The following DCC variants were observed in gnomAD, a reference collection of about 807,000 sequenced individuals.
DCC encodes the protein netrin receptor DCC.
DCC carries 58 observed loss-of-function variants against 172.5 expected under a neutral mutation model. That is an observed-to-expected ratio of 0.34 (90% CI 0.27 to 0.42). DCC has a LOEUF of 0.42. Among genes scored for constraint, DCC ranks in the 10% least tolerant of loss-of-function variants. The pLI is 1.00. For synonymous variants in DCC, 709 were observed against 644.5 expected (o/e 1.10, Z -1.52); for missense variants, 1,740 against 1,791.0 (o/e 0.97, Z 0.51).
chr18:52,589,751 A>C (rs2033756696), intron 1 of DCC, among the ~76,000 whole-genome samples: 1 of 152,226 alleles, frequency 6.6e-6, no homozygotes, highest in African/African-American at 2.4e-5. Flanking sequence ...ACTAATTAAT[A>C]GCTGTCTTAG....
At chr18:52,707,504 G>A (rs529806516) in intron 1 of DCC, among the ~76,000 whole-genome samples, 1 of 152,274 alleles carries the variant, frequency 6.6e-6, no homozygotes, top group South Asian at 2.1e-4. Context: ...TCACTACTGT[G>A]TATGTATCTT....
At chr18:52,924,443 C>A (rs893850089) in intron 4 of DCC, among the ~76,000 whole-genome samples, 31 of 152,118 alleles carry the variant, frequency 2.0e-4, no homozygotes, top group African/African-American at 7.2e-4. Flanking sequence ...CTATATCGCT[C>A]ATATTCCCAG....
intron 1 of DCC, among the ~76,000 whole-genome samples, chr18:52,540,468 G>T (rs568121746): frequency 6.6e-6 from 1 of 151,858 alleles, no homozygotes; most frequent in South Asian, 2.1e-4. Flanking sequence ...CCTTTTTATT[G>T]ACATTGCTTT....
chr18:52,549,939 C>A (rs2032720740), intron 1 of DCC, among the ~76,000 whole-genome samples: 1 of 151,826 alleles, frequency 6.6e-6, no homozygotes, highest in East Asian at 1.9e-4. Context: ...CATGACTCTG[C>A]ACTTCCTCAG....
At chr18:53,329,855 G>T (rs1488362484) in intron 14 of DCC, among the ~76,000 whole-genome samples, 1 of 152,110 alleles carries the variant, frequency 6.6e-6, no homozygotes, top group African/African-American at 2.4e-5. Context: ...GTACTATCTG[G>T]CATTGGAATG....
intron 1 of DCC, among the ~76,000 whole-genome samples, chr18:52,420,563 A>G (rs1258628294): frequency 1.3e-5 from 2 of 151,948 alleles, no homozygotes; most frequent in African/African-American, 4.8e-5. Context: ...AGAAGCTCTC[A>G]TTTAGGTCAT....
chr18:53,402,655 C>T (rs1909384070), intron 18 of DCC, 131 bp from the exon 19 acceptor site: 7 of 763,916 alleles, frequency 9.2e-6, no homozygotes, highest in Admixed American at 1.9e-5. Context: ...TTGAAATAAA[C>T]TGTAAATGGC....
chr18:52,833,963 G>A (rs1277633328), intron 2 of DCC, among the ~76,000 whole-genome samples: 2 of 147,252 alleles, frequency 1.4e-5, no homozygotes, highest in African/African-American at 5.2e-5. Flanking sequence ...TTACCTCCTA[G>A]TAGAAATAAG....
chr18:53,396,162 A>C (rs1908928423), intron 17 of DCC, among the ~76,000 whole-genome samples: 2 of 152,268 alleles, frequency 1.3e-5, no homozygotes, highest in South Asian at 4.1e-4. Flanking sequence ...TACGTATGAT[A>C]TGAGTGGGGG....
intron 1 of DCC, among the ~76,000 whole-genome samples, chr18:52,606,311 T>TA (rs1265214243): frequency 3.3e-5 from 5 of 151,862 alleles, no homozygotes; most frequent in South Asian, 2.1e-4. Flanking sequence ...TCTAGTCTAT[T>TA]AAAAAAAACA....
intron 2 of DCC, among the ~76,000 whole-genome samples, chr18:52,761,918 A>G (rs2037167077): frequency 7.1e-6 from 1 of 140,606 alleles, no homozygotes; most frequent in African/African-American, 2.7e-5. Context: ...CAAAAAAAAA[A>G]AAAAAAAGAA....
chr18:52,350,209 G>A (rs979172938), intron 1 of DCC, among the ~76,000 whole-genome samples: 8 of 152,222 alleles, frequency 5.3e-5, no homozygotes, highest in Admixed American at 5.2e-4. Context: ...TTCCTCCAGT[G>A]AAGGTGACAG....
At chr18:53,430,343 C>T (rs1012483372) in intron 21 of DCC, among the ~76,000 whole-genome samples, 1 of 152,124 alleles carries the variant, frequency 6.6e-6, no homozygotes, top group Non-Finnish European at 1.5e-5. Flanking sequence ...ATGACCCTCT[C>T]TTATGCCCAT....
At chr18:52,357,168 A>G (rs1341100662) in intron 1 of DCC, among the ~76,000 whole-genome samples, 1 of 152,194 alleles carries the variant, frequency 6.6e-6, no homozygotes, top group Non-Finnish European at 1.5e-5. Flanking sequence ...CCAAAAATTC[A>G]TGTACTAAAA....
At chr18:52,856,545 G>T (rs2039056867) in intron 2 of DCC, among the ~76,000 whole-genome samples, 1 of 147,442 alleles carries the variant, frequency 6.8e-6, no homozygotes, top group South Asian at 2.2e-4. Context: ...AGGATGGCGT[G>T]AACCCGGGAG....
intron 12 of DCC, among the ~76,000 whole-genome samples, chr18:53,259,559 A>T (rs1213238894): frequency 6.6e-6 from 1 of 152,156 alleles, no homozygotes; most frequent in Non-Finnish European, 1.5e-5. Flanking sequence ...TCTGGCTTGT[A>T]GAGTTTCTGC....
At chr18:52,696,151 T>C (rs1228466843) in intron 1 of DCC, among the ~76,000 whole-genome samples, 2 of 152,226 alleles carry the variant, frequency 1.3e-5, no homozygotes, top group East Asian at 3.9e-4. Flanking sequence ...CAGAATTTAA[T>C]GAATATGGTC....
intron 12 of DCC, among the ~76,000 whole-genome samples, chr18:53,296,038 T>C (rs1271190515): frequency 6.6e-6 from 1 of 152,206 alleles, no homozygotes; most frequent in Non-Finnish European, 1.5e-5. Context: ...TAAGTATTCA[T>C]AGAATAGAAG....
chr18:53,266,173 A>G (rs2056671502), intron 12 of DCC, among the ~76,000 whole-genome samples: 1 of 152,098 alleles, frequency 6.6e-6, no homozygotes, highest in Admixed American at 6.6e-5. Context: ...ATCACTACAC[A>G]TTTCATACCT....
Sources: gnomAD v4.1 joint callset for allele counts (sites outside exome capture counted in the v4.1 genomes callset) on GRCh38, gnomAD v4.1.1 for gene constraint, MANE v1.5 for transcripts, NCBI Gene and HGNC (gene_info 2026-07-23, HGNC 2026-07-21) for gene names.